The following CCDC63 variants were observed in gnomAD, a reference collection of about 807,000 sequenced individuals.
CCDC63 encodes coiled-coil domain-containing protein 63.
Under a neutral mutation model 63.6 loss-of-function variants are expected in CCDC63, and 54 were observed. The ratio of observed to expected loss-of-function variants is 0.85; its 90% CI spans 0.68 to 1.07. The LOEUF (loss-of-function observed/expected upper bound fraction) is 1.07, where lower values mean the gene tolerates loss of function less well. Among genes scored for constraint, CCDC63 ranks in the 50% least tolerant of loss-of-function variants. The probability of loss-of-function intolerance (pLI) is 0.00; values close to 1 mark genes in which losing one functional copy is unlikely to be tolerated. For synonymous variants in CCDC63, 253 were observed against 266.1 expected (o/e 0.95, Z 0.48); for missense variants, 637 against 689.6 (o/e 0.92, Z 0.86).
intron 9 of CCDC63, among the ~76,000 whole-genome samples, chr12:110,894,612 T>C (rs1196753418): frequency 6.6e-6 from 1 of 152,168 alleles, no homozygotes; most frequent in African/African-American, 2.4e-5. Context: ...CCCGGATATC[T>C]GGGTATGGGG....
chr12:110,873,248 G>T (rs189087223), intron 4 of CCDC63, among the ~76,000 whole-genome samples: 72 of 152,176 alleles, frequency 4.7e-4, no homozygotes, highest in South Asian at 1.2e-3. Context: ...AAAACAAAAA[G>T]AAAGTTTCAA....
At chr12:110,891,311 AAAAC>A (rs140894091) in intron 8 of CCDC63, among the ~76,000 whole-genome samples, 6,997 of 150,432 alleles carry the variant, frequency 0.047, 231 homozygotes, top group African/African-American at 0.097. Flanking sequence ...AGCTTGTCTC[AAAAC>A]AAACAAACAA....
intron 2 of CCDC63, 21 bp from the exon 3 acceptor site, chr12:110,853,384 A>G (rs1593634934): frequency 1.2e-6 from 2 of 1,600,636 alleles, no homozygotes; most frequent in Admixed American, 1.8e-5. Flanking sequence ...ACGGCCTCCC[A>G]CTCCTCTCCA....
At chr12:110,882,958 G>A (rs1308110498) in intron 7 of CCDC63, among the ~76,000 whole-genome samples, 1 of 151,776 alleles carries the variant, frequency 6.6e-6, no homozygotes, top group African/African-American at 2.4e-5. Context: ...GACCTCTTAG[G>A]CCCAAGCCAT....
intron 10 of CCDC63, among the ~76,000 whole-genome samples, chr12:110,902,075 C>G (rs554121964): frequency 6.6e-6 from 1 of 152,138 alleles, no homozygotes; most frequent in Non-Finnish European, 1.5e-5. Context: ...AGGTGATCCA[C>G]CTGCCTTGGC....
chr12:110,900,492 C>A (rs566605080), intron 10 of CCDC63, among the ~76,000 whole-genome samples: 4 of 152,244 alleles, frequency 2.6e-5, no homozygotes, highest in African/African-American at 9.6e-5. Flanking sequence ...ACATACATTT[C>A]TAGGCATTGA....
intron 4 of CCDC63, among the ~76,000 whole-genome samples, chr12:110,862,659 G>A (rs2070870694): frequency 6.6e-6 from 1 of 152,236 alleles, no homozygotes; most frequent in South Asian, 2.1e-4. Flanking sequence ...AACTCTAGTG[G>A]GGGCGGGCCT....
At chr12:110,845,908 G>A (rs1016219839), upstream of CCDC63, 5 of 146,126 alleles carry the variant, frequency 3.4e-5, no homozygotes, top group South Asian at 4.3e-4. Context: ...GGCACCCACC[G>A]GGTGTGTGCC....
At chr12:110,852,065 A>G (rs1039007693) in intron 1 of CCDC63, among the ~76,000 whole-genome samples, 1 of 152,132 alleles carries the variant, frequency 6.6e-6, no homozygotes, top group Non-Finnish European at 1.5e-5. Flanking sequence ...GGGTCTCACA[A>G]CCTCAAAGGA....
chr12:110,867,027 C>T (rs1308322458), intron 4 of CCDC63, among the ~76,000 whole-genome samples: 6 of 112,974 alleles, frequency 5.3e-5, no homozygotes, highest in African/African-American at 1.0e-4. Context: ...CCGGACGGGG[C>T]GGCTGGCCGG....
chr12:110,899,293 G>C (rs1479342750), intron 10 of CCDC63, among the ~76,000 whole-genome samples, 168 bp downstream of exon 10: 1 of 152,110 alleles, frequency 6.6e-6, no homozygotes, highest in Non-Finnish European at 1.5e-5. Context: ...ACCAGCTCTG[G>C]AGCCTTAAGC....
chr12:110,905,910 T>TTTTATAAAATA lies in CCDC63; in HGVS notation c.1546+1120_1546+1121insTTATAAAATAT, dbSNP rs2071558400. 8.1e-4 allele frequency among the ~76,000 whole-genome samples: 46 copies of TTTTATAAAATA among 56,998 alleles called. 4 individuals are homozygous for TTTTATAAAATA. Among genetic ancestry groups the TTTTATAAAATA allele is most frequent in the Middle Eastern group, 6.9e-3 (1 of 144 alleles). 37.4% of individuals were successfully genotyped at this position (56,998 alleles called of 152,430 possible). Reference sequence around the variant, plus strand: ...TATATAATATTATATATAATATATATTATATTATATATAATATATATTATA... The same window carrying TTTTATAAAATA: ...TATATAATATTATATATAATATATATTTTATAAAATATATATTATATATAATATATATTATA... On this transcript the variant is annotated intron_variant, in intron 11 of 11. Transcript: ENST00000308208.
At chr12:110,888,692 A>G (rs775779521) in intron 8 of CCDC63, among the ~76,000 whole-genome samples, 1 of 152,158 alleles carries the variant, frequency 6.6e-6, no homozygotes, top group Non-Finnish European at 1.5e-5. Context: ...GATGGAAGGA[A>G]TTTTAAACCA....
At chr12:110,898,467 A>C (rs1480773430) in intron 9 of CCDC63, among the ~76,000 whole-genome samples, 3 of 149,156 alleles carry the variant, frequency 2.0e-5, no homozygotes, top group African/African-American at 7.4e-5. Flanking sequence ...AAAAAAAAAA[A>C]GTTAGCTGGG....
chr12:110,853,314 AC>A, intron 2 of CCDC63, 90 bp from the exon 3 acceptor site: 1 of 1,302,008 alleles, frequency 7.7e-7, no homozygotes, highest in East Asian at 2.4e-5. Context: ...TGGCCCAGCC[AC>A]CCCCACTGCC....
upstream of CCDC63, among the ~76,000 whole-genome samples, chr12:110,846,202 G>A (rs1279078820): frequency 6.6e-6 from 1 of 152,178 alleles, no homozygotes. Context: ...CACTCAGGGG[G>A]CTAGGAGTTA....
chr12:110,888,073 A>ACT (rs2071307338), intron 8 of CCDC63, among the ~76,000 whole-genome samples: 2 of 152,050 alleles, frequency 1.3e-5, no homozygotes, highest in Non-Finnish European at 2.9e-5. Flanking sequence ...GTTCCTACAA[A>ACT]CGGAGCCATC....
At chr12:110,862,911 A>C (rs569742349) in intron 4 of CCDC63, among the ~76,000 whole-genome samples, 2 of 151,918 alleles carry the variant, frequency 1.3e-5, no homozygotes, top group Non-Finnish European at 2.9e-5. Context: ...ACCCGCCACC[A>C]TGCCTGGTTA....
Position 110,873,845 on chromosome 12 carries a change from C to A in CCDC63, c.373C>A (p.Leu125Ile). The stretch of plus-strand genomic sequence containing the variant: ...TCTCTCTCTCTCTCTTTTTCAGATT[C>A]TTCAGATGGAAAAAAAAATCGCAAA... ...VLLAELDEKILQMEKKIANQK... is the reference protein window; with the variant it reads ...VLLAELDEKIIQMEKKIANQK... The change falls in exon 5 of 12, where the codon CTT becomes ATT. Residue 125 changes from leucine to isoleucine, a missense_variant. By Grantham distance (5) the Leu-to-Ile change is conservative. Coordinates refer to ENST00000308208, the MANE Select transcript of CCDC63 (RefSeq NM_152591.3). 6.2e-7 allele frequency: 1 copy of A among 1,612,558 alleles called. No homozygotes were observed. The highest frequency in any genetic ancestry group is 1.1e-5 in the South Asian group (1 of 90,858).
Sources: allele counts gnomAD v4.1 joint callset (sites outside exome capture counted in the v4.1 genomes callset), GRCh38; gene constraint gnomAD v4.1.1; transcripts MANE v1.5; gene names NCBI Gene and HGNC (gene_info 2026-07-23, HGNC 2026-07-21).